The following ARID1B variants were observed in gnomAD, a reference collection of about 807,000 sequenced individuals.
ARID1B encodes the protein AT-rich interactive domain-containing protein 1B.
A neutral mutation model predicts 212.3 loss-of-function variants in ARID1B; 30 were observed. The ratio of observed to expected loss-of-function variants is 0.14; its 90% CI spans 0.11 to 0.19. The LOEUF is 0.19. Among genes scored for constraint, ARID1B ranks in the 10% least tolerant of loss-of-function variants. ARID1B has a pLI of 1.00. For synonymous variants in ARID1B, 1,402 were observed against 1,301.7 expected, an observed-to-expected ratio of 1.08 and a Z score of -1.66; for missense variants, 2,891 against 3,204.0, an observed-to-expected ratio of 0.90 and a Z score of 2.36.
At chr6:156,892,058 T>C (rs868040550) in intron 2 of ARID1B, among the ~76,000 whole-genome samples, 75 of 88,844 alleles carry the variant, frequency 8.4e-4, no homozygotes, top group African/African-American at 2.6e-3. Context: ...TTTTTTTTTT[T>C]TCTTTTTTTT....
At chr6:156,931,807 A>C (rs1582975034) in intron 3 of ARID1B, among the ~76,000 whole-genome samples, 1 of 152,000 alleles carries the variant, frequency 6.6e-6, no homozygotes, top group African/African-American at 2.4e-5. Flanking sequence ...TCCTAAAGAT[A>C]CAAAATTAGC....
chr6:156,960,467 A>G lies in ARID1B; in HGVS notation c.2247+24891A>G, dbSNP rs147829269. On this transcript the variant is annotated intron_variant, in intron 4 of 19. Coordinates refer to ENST00000636930, the MANE Select transcript of ARID1B (RefSeq NM_001374828.1). ...TTGGTATTTAGTTTAATCAGTAAAA[A>G]ATAATGTGAATAAACTTTGCTTTTG... Among the ~76,000 whole-genome samples, 455 of 152,326 alleles carry G rather than the reference A, an allele frequency of 3.0e-3. 4 individuals carry two copies. The highest frequency in any genetic ancestry group is 0.01 in the African/African-American group (432 of 41,568).
chr6:156,871,451 T>C (rs1786120403), intron 2 of ARID1B, among the ~76,000 whole-genome samples: 2 of 152,164 alleles, frequency 1.3e-5, no homozygotes, highest in Non-Finnish European at 2.9e-5. Context: ...GCACATTTGA[T>C]AGGGAGTGGT....
intron 2 of ARID1B, among the ~76,000 whole-genome samples, chr6:156,883,097 T>G (rs1787229286): frequency 6.6e-6 from 1 of 152,194 alleles, no homozygotes; most frequent in African/African-American, 2.4e-5. Context: ...CAAGGAGTGT[T>G]TGTGAGGCGC....
chr6:157,099,699 C>G (rs1785931407), intron 5 of ARID1B, among the ~76,000 whole-genome samples: 1 of 152,148 alleles, frequency 6.6e-6, no homozygotes, highest in Non-Finnish European at 1.5e-5. Context: ...TATAGCTAAT[C>G]TATCTTCAAG....
chr6:156,935,752 T>G (rs1792150851), intron 4 of ARID1B, 176 bp downstream of exon 4: 3 of 558,614 alleles, frequency 5.4e-6, no homozygotes, highest in Non-Finnish European at 6.3e-6. Context: ...TAGTCCTGGA[T>G]AAGTCTATTT....
chr6:157,062,327 C>G (rs1225487436), intron 4 of ARID1B, among the ~76,000 whole-genome samples: 2 of 151,524 alleles, frequency 1.3e-5, no homozygotes, highest in Non-Finnish European at 2.9e-5. Flanking sequence ...CTCCCAAGTA[C>G]TTGGGACCAC....
intron 2 of ARID1B, among the ~76,000 whole-genome samples, chr6:156,836,624 TA>T (rs1783531434): frequency 1.3e-5 from 2 of 152,186 alleles, no homozygotes; most frequent in Non-Finnish European, 2.9e-5. Context: ...ATTTCCCCTT[TA>T]AAGTAATATT....
At chr6:156,805,845 T>C (rs1781119385) in intron 1 of ARID1B, among the ~76,000 whole-genome samples, 1 of 151,994 alleles carries the variant, frequency 6.6e-6, no homozygotes, top group African/African-American at 2.4e-5. Flanking sequence ...CCAGCTAATT[T>C]TTAAATTTTT....
chr6:157,105,234 T>A (rs76392411), intron 5 of ARID1B, among the ~76,000 whole-genome samples: 4,535 of 152,188 alleles, frequency 0.03, 225 homozygotes, highest in African/African-American at 0.1. Context: ...CTAGGGTGAA[T>A]TCCTCTTTAA....
chr6:157,154,882 G>A (rs1156657047), intron 8 of ARID1B, among the ~76,000 whole-genome samples: 1 of 151,986 alleles, frequency 6.6e-6, no homozygotes, highest in Non-Finnish European at 1.5e-5. Flanking sequence ...CGCCCGGCCT[G>A]TTGCTCTTCT....
At chr6:157,181,899 T>C (rs944362717) in intron 12 of ARID1B, among the ~76,000 whole-genome samples, 3 of 152,202 alleles carry the variant, frequency 2.0e-5, no homozygotes, top group African/African-American at 4.8e-5. Context: ...TTTGTCTTTC[T>C]AAATACATGA....
chr6:157,008,734 C>T (rs1398120714), intron 4 of ARID1B, among the ~76,000 whole-genome samples: 1 of 152,046 alleles, frequency 6.6e-6, no homozygotes, highest in Middle Eastern at 3.2e-3. Context: ...TAGAAGAGAC[C>T]TCTGGGTACG....
intron 5 of ARID1B, among the ~76,000 whole-genome samples, chr6:157,086,487 C>T (rs1583283168): frequency 6.6e-6 from 1 of 152,158 alleles, no homozygotes. Flanking sequence ...TATTGCGTTA[C>T]TCAAAGAGCT....
chr6:156,928,483 G>A (rs1003881801), intron 3 of ARID1B, among the ~76,000 whole-genome samples: 3 of 152,138 alleles, frequency 2.0e-5, no homozygotes, highest in Admixed American at 1.3e-4. Context: ...GGTCATTTGG[G>A]AGAGTCATTT....
At chr6:156,948,889 A>G (rs1793369642) in intron 4 of ARID1B, among the ~76,000 whole-genome samples, 1 of 152,250 alleles carries the variant, frequency 6.6e-6, no homozygotes, top group African/African-American at 2.4e-5. Context: ...CCACGTACCT[A>G]TAGTTGCAGA....
intron 4 of ARID1B, among the ~76,000 whole-genome samples, chr6:156,948,684 A>G (rs556126694): frequency 1.3e-5 from 2 of 152,232 alleles, no homozygotes; most frequent in Non-Finnish European, 2.9e-5. Context: ...TATTGTGTCT[A>G]ATGTCTAAGA....
intron 2 of ARID1B, among the ~76,000 whole-genome samples, chr6:156,899,741 C>T (rs1216337957): frequency 6.6e-6 from 1 of 152,080 alleles, no homozygotes; most frequent in Non-Finnish European, 1.5e-5. Flanking sequence ...GAAAACAGCG[C>T]CCCCTCCCCA....
At chr6:157,063,215 A>G (rs1285533507) in intron 4 of ARID1B, among the ~76,000 whole-genome samples, 2 of 152,052 alleles carry the variant, frequency 1.3e-5, no homozygotes, top group Non-Finnish European at 2.9e-5. Context: ...ATGAGCCACC[A>G]GCCATTTTTT....
Sources: allele counts gnomAD v4.1 joint callset (sites outside exome capture counted in the v4.1 genomes callset), GRCh38; gene constraint gnomAD v4.1.1; transcripts MANE v1.5; gene names NCBI Gene and HGNC (gene_info 2026-07-23, HGNC 2026-07-21).